CAMK4: variants seen among roughly 807,000 people sequenced by gnomAD.
CAMK4 encodes the protein calcium/calmodulin-dependent protein kinase type IV.
CAMK4 carries 22 observed loss-of-function variants against 44.9 expected under a neutral mutation model. That is an observed-to-expected ratio of 0.49 (90% CI 0.35 to 0.70). CAMK4 has a LOEUF of 0.70. Among genes scored for constraint, CAMK4 ranks in the 30% least tolerant of loss-of-function variants. CAMK4 has a pLI of 0.01. For synonymous variants in CAMK4, 218 were observed against 215.4 expected (o/e 1.01, Z -0.11); for missense variants, 498 against 586.8 (o/e 0.85, Z 1.56).
intron 5 of CAMK4, among the ~76,000 whole-genome samples, chr5:111,442,771 A>G (rs1328235556): frequency 1.3e-5 from 2 of 148,320 alleles, no homozygotes; most frequent in South Asian, 2.1e-4. Context: ...TAAAATATAA[A>G]TATTATATAT....
intron 2 of CAMK4, among the ~76,000 whole-genome samples, chr5:111,356,645 T>TGTAA (rs1484691127): frequency 6.6e-6 from 1 of 152,220 alleles, no homozygotes; most frequent in African/African-American, 2.4e-5. Context: ...AGGTCTAACA[T>TGTAA]GTAAGTCTTT....
intron 5 of CAMK4, among the ~76,000 whole-genome samples, chr5:111,415,663 T>A (rs188489854): frequency 2.2e-3 from 329 of 152,268 alleles, no homozygotes; most frequent in Non-Finnish European, 3.4e-3. Context: ...TAAAGGGAAC[T>A]AGTATGTTGC....
chr5:111,258,893 C>G (rs1749858949), intron 1 of CAMK4, among the ~76,000 whole-genome samples: 1 of 151,862 alleles, frequency 6.6e-6, no homozygotes, highest in Non-Finnish European at 1.5e-5. Context: ...GAAAAGTAAA[C>G]AACTCAATCT....
chr5:111,441,577 C>G (rs966970541), intron 5 of CAMK4, among the ~76,000 whole-genome samples: 1 of 152,190 alleles, frequency 6.6e-6, no homozygotes, highest in Non-Finnish European at 1.5e-5. Context: ...AATTGTTAGA[C>G]TGACATAGCA....
At chr5:111,434,538 G>T (rs3822670) in intron 5 of CAMK4, among the ~76,000 whole-genome samples, 1 of 152,024 alleles carries the variant, frequency 6.6e-6, no homozygotes, top group Non-Finnish European at 1.5e-5. Context: ...GATGCTCCAT[G>T]GATCATGGCT....
intron 5 of CAMK4, among the ~76,000 whole-genome samples, chr5:111,430,889 A>G (rs1394658722): frequency 6.6e-6 from 1 of 152,178 alleles, no homozygotes; most frequent in East Asian, 1.9e-4. Flanking sequence ...AAGGCAATCT[A>G]CAGATTCAGT....
chr5:111,428,343 C>T (rs1297289932), intron 5 of CAMK4, among the ~76,000 whole-genome samples: 1 of 152,222 alleles, frequency 6.6e-6, no homozygotes, highest in Admixed American at 6.5e-5. Flanking sequence ...CATCTGCTAG[C>T]ATCAGCACTC....
Position 111,482,944 on chromosome 5 carries a change from T to G in CAMK4, c.981+7T>G, listed in dbSNP as rs1755484174. 6.3e-7 allele frequency: 1 copy of G among 1,587,748 alleles called. No individual in the cohort carries two copies. The highest frequency in any genetic ancestry group is 1.9e-5 in the Admixed American group (1 of 52,478). ...TGCCCGGCGTAAGCTTAAGGTAAGATAGCATATATTTTGTTTTGTTTTGTT... is the reference window on the plus strand; with the variant it reads ...TGCCCGGCGTAAGCTTAAGGTAAGAGAGCATATATTTTGTTTTGTTTTGTT... On this transcript the variant is annotated splice_region_variant and intron_variant, in intron 10 of 10. Transcript: ENST00000282356. This position sits in a 1 kb window ranked among gnomAD's most constrained non-coding sequence, Gnocchi z 4.9.
chr5:111,464,101 A>T lies in CAMK4; in HGVS notation c.626-9210A>T, dbSNP rs533463890. On this transcript the variant is annotated intron_variant, in intron 7 of 10. Transcript: ENST00000282356. ...TTAAATGAAATAAAAAAAATGAGAT[A>T]TGAAGGGAAAAATCTTCAGGGAAAT... 2.0e-5 allele frequency among the ~76,000 whole-genome samples: 3 copies of T among 148,604 alleles called. No individual in the cohort carries two copies. The South Asian group carries it at 6.2e-4, about 31-fold the overall frequency.
At chr5:111,453,172 G>T (rs1004217721) in intron 7 of CAMK4, among the ~76,000 whole-genome samples, 31 of 152,300 alleles carry the variant, frequency 2.0e-4, no homozygotes, top group Non-Finnish European at 4.3e-4. Context: ...GGGAGCCAAA[G>T]AGGGGGTAGG....
intron 5 of CAMK4, among the ~76,000 whole-genome samples, chr5:111,430,389 C>T (rs1753401008): frequency 6.6e-6 from 1 of 152,194 alleles, no homozygotes; most frequent in South Asian, 2.1e-4. Context: ...AGCCTTTTCT[C>T]TAAGATCTGT....
chr5:111,309,807 A>T (rs1020485911), intron 1 of CAMK4, among the ~76,000 whole-genome samples: 2 of 152,036 alleles, frequency 1.3e-5, no homozygotes, highest in Admixed American at 6.6e-5. Context: ...TGGATATGGG[A>T]CTTTAGACTT....
At chr5:111,399,084 T>G (rs1752127016) in intron 5 of CAMK4, among the ~76,000 whole-genome samples, 1 of 148,720 alleles carries the variant, frequency 6.7e-6, no homozygotes, top group African/African-American at 2.5e-5. Flanking sequence ...ACATTGAAAG[T>G]AAAAAAAAAA....
chr5:111,318,558 G>A (rs1291668237), intron 1 of CAMK4, among the ~76,000 whole-genome samples: 2 of 152,150 alleles, frequency 1.3e-5, no homozygotes, highest in African/African-American at 2.4e-5. Flanking sequence ...CTAACAGAGT[G>A]GAAATACCAA....
chr5:111,265,929 G>A (rs1750220387), intron 1 of CAMK4: 1 of 152,208 alleles, frequency 6.6e-6, no homozygotes, highest in Non-Finnish European at 1.5e-5. Flanking sequence ...TCAGCATAAA[G>A]TTTTGGAAAG....
At chr5:111,430,715 A>G (rs1319655020) in intron 5 of CAMK4, among the ~76,000 whole-genome samples, 3 of 152,192 alleles carry the variant, frequency 2.0e-5, no homozygotes, top group Non-Finnish European at 4.4e-5. Context: ...AATAGCCACA[A>G]ATAAAATGAC....
At chr5:111,327,801 T>A (rs1266427048) in intron 1 of CAMK4, among the ~76,000 whole-genome samples, 1 of 149,492 alleles carries the variant, frequency 6.7e-6, no homozygotes, top group Non-Finnish European at 1.5e-5. Flanking sequence ...GCTGCATAAA[T>A]GTCTTCTTTT....
At chr5:111,272,809 A>T (rs1396552588) in intron 1 of CAMK4, among the ~76,000 whole-genome samples, 1 of 152,174 alleles carries the variant, frequency 6.6e-6, no homozygotes, top group African/African-American at 2.4e-5. Context: ...CCTTGTCTCT[A>T]TACAGAGTGT....
In CAMK4 at chr5:111,290,610, A is replaced by G. The variant is rs1747202175; in HGVS notation, c.162-53414A>G. Among the ~76,000 whole-genome samples, 3 of 152,176 alleles carry G rather than the reference A, an allele frequency of 2.0e-5. No homozygotes were observed. Reference sequence around the variant, plus strand: ...CAGAGCCAAGGGGAACGTTTTGTTCAGTGACTCTTGAGCTGGGCACAGACA... The same window carrying G: ...CAGAGCCAAGGGGAACGTTTTGTTCGGTGACTCTTGAGCTGGGCACAGACA... On this transcript the variant is annotated intron_variant, in intron 1 of 10. Coordinates refer to ENST00000282356, the MANE Select transcript of CAMK4 (RefSeq NM_001744.6). This position sits in a 1 kb window ranked among gnomAD's most constrained non-coding sequence, Gnocchi z 4.5.
Sources: allele counts gnomAD v4.1 joint callset (sites outside exome capture counted in the v4.1 genomes callset), GRCh38; gene constraint gnomAD v4.1.1; non-coding constraint Gnocchi (gnomAD v3.1); transcripts MANE v1.5; gene names NCBI Gene and HGNC (gene_info 2026-07-23, HGNC 2026-07-21).